The following ADSL variants were observed in gnomAD, a reference collection of about 807,000 sequenced individuals.
ADSL encodes adenylosuccinate lyase, also known as adenylosuccinase.
In ADSL, 44 loss-of-function variants were observed where a neutral mutation model predicts 62.1. The observed-to-expected ratio is 0.71, with a 90% CI of 0.56 to 0.91. ADSL has a LOEUF of 0.91. Ranked by LOEUF, ADSL falls within the 40% of genes least tolerant of loss-of-function variation. The pLI is 0.00. For missense variants in ADSL, 531 were observed against 627.4 expected (o/e 0.85, Z 1.64); for synonymous variants, 198 against 220.5 (o/e 0.90, Z 0.90).
chr22:40,371,818 T>TAC (rs1308337593), downstream of ADSL, among the ~76,000 whole-genome samples: 1 of 152,028 alleles, frequency 6.6e-6, no homozygotes, highest in African/African-American at 2.4e-5. Context: ...TGCCTCAGCC[T>TAC]ACCGAGTAGC....
intron 2 of ADSL, among the ~76,000 whole-genome samples, chr22:40,382,450 G>T (rs1410639583): frequency 6.6e-6 from 1 of 152,084 alleles, no homozygotes; most frequent in Non-Finnish European, 1.5e-5. Context: ...TGTCAGCTGG[G>T]TCCCACCTGG....
At chr22:40,371,624 A>T (rs1375169143), downstream of ADSL, among the ~76,000 whole-genome samples, 5 of 151,684 alleles carry the variant, frequency 3.3e-5, no homozygotes, top group Admixed American at 1.3e-4. Flanking sequence ...CTGCACTCTA[A>T]ACAGTTGAAT....
Position 40,364,821 on chromosome 22 carries a change from T to G in ADSL, c.1192-59T>G, listed in dbSNP as rs8142978. ...TGGATGGGAAGTATCTGATGACTTT[T>G]TAAAAGTGTTCAAACGCCCTGTTAG... On this transcript the variant is annotated intron_variant, in intron 11 of 12. Coordinates refer to ENST00000623063, the MANE Select transcript of ADSL (RefSeq NM_000026.4). 5.0e-3 allele frequency: 7,916 copies of G among 1,574,944 alleles called. 377 individuals carry two copies. The African/African-American group carries it at 0.098, about 19-fold the overall frequency.
At chr22:40,361,248 A>G (rs2146661739) in intron 7 of ADSL, 25 bp from the exon 8 acceptor site, 1 of 1,610,266 alleles carries the variant, frequency 6.2e-7, no homozygotes, top group Non-Finnish European at 8.5e-7. Context: ...GTGTGGGGTG[A>G]TGCTTATTCC....
chr22:40,372,497 AT>A (rs1057098654), downstream of ADSL, among the ~76,000 whole-genome samples: 1 of 152,188 alleles, frequency 6.6e-6, no homozygotes, highest in African/African-American at 2.4e-5. Flanking sequence ...TTGATCAGAT[AT>A]GGGTAATAGG....
Position 40,346,541 on chromosome 22 carries a change from C to G in ADSL, c.-18C>G. On this transcript the variant is annotated 5_prime_UTR_variant, in exon 1 of 13. Transcript: ENST00000623063. ...TCTTCCCTGGTCCAGTCCACCCTGG[C>G]GGGGTCGCAGGGTTGGGATGGCGGC... The G allele has an allele frequency of 1.3e-6, 2 of 1,597,860 alleles. No individual in the cohort carries two copies. The highest frequency in any genetic ancestry group is 1.7e-6 in the Non-Finnish European group (2 of 1,174,858).
At chr22:40,350,339 G>C in intron 2 of ADSL, 1 of 336,160 alleles carries the variant, frequency 3.0e-6, no homozygotes, top group Non-Finnish European at 5.6e-6. Flanking sequence ...TGTTAGCCAG[G>C]ATGGTCTCTA....
chr22:40,362,848 T>G, intron 9 of ADSL, 133 bp from the exon 10 acceptor site: 1 of 895,884 alleles, frequency 1.1e-6, no homozygotes, highest in Admixed American at 1.7e-5. Context: ...GGTCGTGAGG[T>G]TATTGGGGTA....
chr22:40,357,687 C>G (rs1010062194), intron 4 of ADSL, among the ~76,000 whole-genome samples: 1 of 152,248 alleles, frequency 6.6e-6, no homozygotes, highest in Non-Finnish European at 1.5e-5. Flanking sequence ...AGGCTTTCCT[C>G]TACTTCCAAT....
chr22:40,369,890 T>C (rs903994145), downstream of ADSL, among the ~76,000 whole-genome samples: 28 of 152,202 alleles, frequency 1.8e-4, no homozygotes, highest in African/African-American at 6.7e-4. Flanking sequence ...CAGTTTCATT[T>C]AAGAACCAGG....
At chr22:40,365,567 G>A (rs565223725) in intron 12 of ADSL, among the ~76,000 whole-genome samples, 1 of 151,958 alleles carries the variant, frequency 6.6e-6, no homozygotes, top group Non-Finnish European at 1.5e-5. Context: ...TTAATTCTGG[G>A]GATTTTAAAA....
intron 2 of ADSL, chr22:40,376,159 G>A (rs949172705): frequency 1.4e-5 from 2 of 144,798 alleles, no homozygotes; most frequent in Non-Finnish European, 3.0e-5. Context: ...TTGAGGATAG[G>A]GTTAAAGTCA....
chr22:40,373,695 A>G (rs993001793), downstream of ADSL, among the ~76,000 whole-genome samples: 1 of 152,158 alleles, frequency 6.6e-6, no homozygotes, highest in African/African-American at 2.4e-5. Context: ...GGCTCACTGC[A>G]ATCTCTGCCT....
downstream of ADSL, among the ~76,000 whole-genome samples, chr22:40,372,120 C>T (rs866595625): frequency 8.3e-5 from 10 of 120,176 alleles, no homozygotes; most frequent in Non-Finnish European, 1.2e-4. Context: ...TGTCCCCCCC[C>T]CCTTTTTTTT....
rs370851726 is a variant in ADSL at position 40,363,060 on chromosome 22, G to A, written c.1090G>A (p.Val364Met). The change falls in exon 10 of 13, where the codon GTG (valine) becomes ATG (methionine). Residue 364 changes from valine to methionine, a missense_variant. This residue lies in a region of ADSL where 471 missense variants were observed against 592.9 expected (regional missense o/e 0.79). Transcript: ENST00000623063. The part of the protein sequence containing the change: ...TLQNISEGLV[V>M]YPKVIERRIR... ...GCAGAACATTTCTGAAGGATTGGTCGTGTACCCCAAAGTAAGAAGCCTCAA... is the reference window on the plus strand; with the variant it reads ...GCAGAACATTTCTGAAGGATTGGTCATGTACCCCAAAGTAAGAAGCCTCAA... 7 of 1,613,810 alleles carry A rather than the reference G, an allele frequency of 4.3e-6. No individual in the cohort carries two copies. The highest frequency in any genetic ancestry group is 1.6e-4 in the Middle Eastern group (1 of 6,084).
chr22:40,362,462 G>A (rs2044828447), intron 9 of ADSL, among the ~76,000 whole-genome samples: 1 of 152,224 alleles, frequency 6.6e-6, no homozygotes, highest in South Asian at 2.1e-4. Flanking sequence ...AGAGTTGGCT[G>A]TAAGGAGACA....
chr22:40,352,075 T>G (rs2044368018), intron 2 of ADSL: 1 of 152,288 alleles, frequency 6.6e-6, no homozygotes, highest in Non-Finnish European at 1.5e-5. Context: ...AAGTACCCAG[T>G]TGTGTGGATG....
At chr22:40,350,736 G>A (rs1384580606) in intron 2 of ADSL, among the ~76,000 whole-genome samples, 1 of 150,742 alleles carries the variant, frequency 6.6e-6, no homozygotes, top group South Asian at 2.1e-4. Flanking sequence ...CCTGTGTCTC[G>A]GCCTCCCCAG....
At chr22:40,366,318 T>C in intron 12 of ADSL, 118 bp from the exon 13 acceptor site, 1 of 750,614 alleles carries the variant, frequency 1.3e-6, no homozygotes, top group South Asian at 1.5e-5. Flanking sequence ...ACAAGCTCAG[T>C]GTTGGAGTAA....
Sources: gnomAD v4.1 joint callset for allele counts (sites outside exome capture counted in the v4.1 genomes callset) on GRCh38, gnomAD v4.1.1 for gene constraint, gnomAD v4.1.1 regional missense constraint, MANE v1.5 for transcripts, NCBI Gene and HGNC (gene_info 2026-07-23, HGNC 2026-07-21) for gene names.